The following SLC16A7 variants were observed in gnomAD, a reference collection of about 807,000 sequenced individuals.
The protein encoded by SLC16A7 is solute carrier family 16 member 7.
A neutral mutation model predicts 34.9 loss-of-function variants in SLC16A7; 33 were observed. The ratio of observed to expected loss-of-function variants is 0.94; its 90% confidence interval spans 0.72 to 1.26. SLC16A7 has a LOEUF of 1.26. Ranked by LOEUF, SLC16A7 falls within the 50% of genes most tolerant of loss-of-function variation. SLC16A7 has a pLI of 0.00. For synonymous variants in SLC16A7, 201 were observed against 206.6 expected, an observed-to-expected ratio of 0.97 and a Z score of 0.23; for missense variants, 573 against 578.1, an observed-to-expected ratio of 0.99 and a Z score of 0.09.
intron 3 of SLC16A7, among the ~76,000 whole-genome samples, chr12:59,735,686 A>G (rs1355868459): frequency 6.6e-6 from 1 of 152,194 alleles, no homozygotes; most frequent in Non-Finnish European, 1.5e-5. Context: ...GTATTTTTAA[A>G]TGAAAAACTG....
chr12:59,700,482 A>G (rs1446929030), intron 2 of SLC16A7, among the ~76,000 whole-genome samples: 2 of 149,164 alleles, frequency 1.3e-5, no homozygotes, highest in Non-Finnish European at 3.0e-5. Context: ...TTGAAATATT[A>G]ATAATTGTAT....
chr12:59,710,144 GT>G (rs1359221047), intron 3 of SLC16A7, among the ~76,000 whole-genome samples: 1 of 151,764 alleles, frequency 6.6e-6, no homozygotes, highest in African/African-American at 2.4e-5. Context: ...TCAGATCTCT[GT>G]TAGAGAAGAG....
rs1403214187 is a variant in SLC16A7, at chr12:59,782,737, ACCTAT to A, written c.*3062_*3066del. The A allele has an allele frequency of 6.6e-6, 1 of 152,138 alleles. No homozygotes were observed. Among genetic ancestry groups the A allele is most frequent in the Admixed American group, 6.6e-5 (1 of 15,252 alleles). The allele number at this position is 152,138 out of a possible 1,614,324, so 9.4% of individuals were successfully genotyped here. On this transcript the variant is annotated 3_prime_UTR_variant, in exon 6 of 6. Transcript: ENST00000547379. ...GAACATTGTGTTTGCACTTTTCCTG[ACCTAT>A]CCTCACCCCCTTTCCTGATCCTTTT...
intron 1 of SLC16A7, among the ~76,000 whole-genome samples, chr12:59,650,812 C>T (rs188740314): frequency 7.9e-5 from 12 of 152,214 alleles, no homozygotes; most frequent in African/African-American, 2.9e-4. Flanking sequence ...CAGTTATACT[C>T]CCTCTAGTTG....
At position 59,714,283 on chromosome 12, in the gene SLC16A7, T is replaced by C. The variant is rs139566337; in HGVS notation, c.217+9265T>C. ...GATCCTGGGCCACATATTGTATCCA[T>C]ATAAACAAAAGAGAAGAGGATCAGA... On this transcript the variant is annotated intron_variant, in intron 3 of 5. Transcript: ENST00000547379. 1.4e-3 allele frequency among the ~76,000 whole-genome samples: 214 copies of C among 152,294 alleles called. 1 individual carries two copies. Among genetic ancestry groups the C allele is most frequent in the Middle Eastern group, 6.8e-3 (2 of 294 alleles).
chr12:59,609,822 T>G (rs1286510916), intron 1 of SLC16A7, among the ~76,000 whole-genome samples: 1 of 152,202 alleles, frequency 6.6e-6, no homozygotes, highest in Non-Finnish European at 1.5e-5. Flanking sequence ...TTTTTGGTAC[T>G]CTCTTGGTGT....
chr12:59,673,114 A>G (rs960740243), intron 2 of SLC16A7, among the ~76,000 whole-genome samples: 1 of 152,202 alleles, frequency 6.6e-6, no homozygotes, highest in African/African-American at 2.4e-5. Context: ...AAAGTAACTT[A>G]CAAGGTTCTT....
intron 2 of SLC16A7, among the ~76,000 whole-genome samples, chr12:59,664,460 T>C (rs1314018208): frequency 6.6e-6 from 1 of 152,158 alleles, no homozygotes; most frequent in Non-Finnish European, 1.5e-5. Context: ...TTCAACACTT[T>C]GACCCTGGCC....
rs539023777 is a variant in SLC16A7 at position 59,728,024 on chromosome 12, G to A, written c.217+23006G>A. Among the ~76,000 whole-genome samples the A allele has an allele frequency of 4.7e-4, 72 of 152,280 alleles. 5 individuals carry two copies. The highest frequency in any genetic ancestry group is 1.6e-3 in the African/African-American group (67 of 41,560). ...TCTTAGCCATAAGCCAGTATGAAGA[G>A]GTGAGTAGAGACCCAGGTTCCAATA... On this transcript the variant is annotated intron_variant, in intron 3 of 5. Transcript: ENST00000547379.
chr12:59,606,439 G>T (rs1290236151), intron 1 of SLC16A7, among the ~76,000 whole-genome samples: 1 of 152,130 alleles, frequency 6.6e-6, no homozygotes, highest in Non-Finnish European at 1.5e-5. Flanking sequence ...AGAGATATTT[G>T]TTCCAATTAA....
chr12:59,696,864 T>A (rs1363325832), intron 2 of SLC16A7, among the ~76,000 whole-genome samples: 1 of 151,892 alleles, frequency 6.6e-6, no homozygotes, highest in African/African-American at 2.4e-5. Flanking sequence ...AGTATGTGAG[T>A]GGCGCCTTGC....
intron 2 of SLC16A7, among the ~76,000 whole-genome samples, chr12:59,698,485 C>A (rs998615103): frequency 6.6e-6 from 1 of 151,774 alleles, no homozygotes; most frequent in Non-Finnish European, 1.5e-5. Flanking sequence ...CACTGGATGG[C>A]ATCTTATGAT....
chr12:59,602,343 T>G (rs1353378662), intron 1 of SLC16A7, among the ~76,000 whole-genome samples: 1 of 152,132 alleles, frequency 6.6e-6, no homozygotes, highest in Non-Finnish European at 1.5e-5. Flanking sequence ...TCCCTAATGC[T>G]TCTTGAACTC....
chr12:59,611,711 A>C (rs527644783), intron 1 of SLC16A7, among the ~76,000 whole-genome samples: 1 of 152,160 alleles, frequency 6.6e-6, no homozygotes, highest in Non-Finnish European at 1.5e-5. Context: ...TTCTATTAAT[A>C]GATACAATAG....
intron 3 of SLC16A7, among the ~76,000 whole-genome samples, chr12:59,754,662 G>A (rs1357583429): frequency 5.3e-5 from 8 of 152,052 alleles, no homozygotes; most frequent in African/African-American, 1.7e-4. Context: ...ATTCACAGCC[G>A]AATTCTACCA....
chr12:59,628,135 CTCTT>C (rs1287061102), intron 1 of SLC16A7, among the ~76,000 whole-genome samples: 1 of 151,714 alleles, frequency 6.6e-6, no homozygotes, highest in Non-Finnish European at 1.5e-5. Flanking sequence ...CATAGCTCCT[CTCTT>C]TACTTTTTTA....
At chr12:59,728,679 T>C (rs1876576588) in intron 3 of SLC16A7, among the ~76,000 whole-genome samples, 1 of 152,144 alleles carries the variant, frequency 6.6e-6, no homozygotes, top group African/African-American at 2.4e-5. Context: ...AAGCTAAGAT[T>C]GTGCCACTGC....
At chr12:59,701,893 T>C (rs1254190319) in intron 2 of SLC16A7, among the ~76,000 whole-genome samples, 1 of 151,834 alleles carries the variant, frequency 6.6e-6, no homozygotes, top group Non-Finnish European at 1.5e-5. Context: ...GCAGATATGA[T>C]AAAAACTACA....
rs549150566 is a variant in SLC16A7 at position 59,779,973 on chromosome 12, G to A, written c.*294G>A. On this transcript the variant is annotated 3_prime_UTR_variant, in exon 6 of 6. Coordinates refer to ENST00000547379, the MANE Select transcript of SLC16A7 (RefSeq NM_001270623.2). Reference sequence around the variant, plus strand: ...ATTTTAAAGTCTTCCAGTGACTTTCGGTCTTGGTTATATGGAGAATTCTGA... The same window carrying A: ...ATTTTAAAGTCTTCCAGTGACTTTCAGTCTTGGTTATATGGAGAATTCTGA... 1.2e-5 allele frequency: 3 copies of A among 245,966 alleles called. No individual in the cohort carries two copies. Among genetic ancestry groups the A allele is most frequent in the Non-Finnish European group, 2.4e-5 (3 of 126,392 alleles). 15.2% of individuals were successfully genotyped at this position (245,966 alleles called of 1,614,324 possible).
Sources: allele counts gnomAD v4.1 joint callset (sites outside exome capture counted in the v4.1 genomes callset), GRCh38; gene constraint gnomAD v4.1.1; transcripts MANE v1.5; gene names NCBI Gene and HGNC (gene_info 2026-07-23, HGNC 2026-07-21).